Variants in KCNC1 observed in about 807,000 individuals in gnomAD.
KCNC1 encodes the protein voltage-gated potassium channel KCNC1.
In KCNC1, 8 loss-of-function variants were observed where a neutral mutation model predicts 43.4. The ratio of observed to expected loss-of-function variants is 0.18; its 90% CI spans 0.11 to 0.33. The LOEUF (loss-of-function observed/expected upper bound fraction) is 0.33, where lower values mean the gene tolerates loss of function less well. KCNC1 is among the 10% of genes least tolerant of loss of function. The pLI, the probability that KCNC1 is intolerant of heterozygous loss-of-function variation, is 1.00. For synonymous variants in KCNC1, 361 were observed against 360.5 expected (o/e 1.00, Z -0.01); for missense variants, 420 against 836.0 (o/e 0.50, Z 6.14).
intron 1 of KCNC1, among the ~76,000 whole-genome samples, chr11:17,746,534 C>T (rs1848902107): frequency 6.6e-6 from 1 of 152,068 alleles, no homozygotes; most frequent in African/African-American, 2.4e-5. Context: ...TCCATGTCCA[C>T]CTCCTTCCCT....
At chr11:17,775,839 G>A (rs781632895) in intron 2 of KCNC1, 354 of 985,460 alleles carry the variant, frequency 3.6e-4, no homozygotes, top group Non-Finnish European at 4.0e-4. Flanking sequence ...AGGTCTCAGA[G>A]AAGCCCCCGC....
At chr11:17,755,026 T>G (rs559888168) in intron 1 of KCNC1, among the ~76,000 whole-genome samples, 1 of 152,292 alleles carries the variant, frequency 6.6e-6, no homozygotes, top group African/African-American at 2.4e-5. Flanking sequence ...CAGATTTTCC[T>G]TACTGGAGGT....
intron 2 of KCNC1, chr11:17,774,381 A>C: frequency 1.0e-6 from 1 of 985,510 alleles, no homozygotes; most frequent in Non-Finnish European, 1.2e-6. Flanking sequence ...ATCCTCCCCG[A>C]CACTGGATCT....
chr11:17,773,582 A>G lies in KCNC1; in HGVS notation c.1504+984A>G. ...GCCGGGAGGGGGGAGGGGGGCATGA[A>G]ACAATACTAGTCACCGTGGGATATA... On this transcript the variant is annotated intron_variant, in intron 2 of 3. Transcript: ENST00000265969. The surrounding 1 kb of genome is among the most constrained non-coding windows in gnomAD (Gnocchi z 4.1). The G allele has an allele frequency of 1.0e-6, 1 of 985,362 alleles. No individual in the cohort carries two copies. Among genetic ancestry groups the G allele is most frequent in the Non-Finnish European group, 1.2e-6 (1 of 829,986 alleles). The allele number at this position is 985,362 out of a possible 1,614,324, so 61.0% of individuals were successfully genotyped here.
At chr11:17,741,669 C>T (rs978321241) in intron 1 of KCNC1, among the ~76,000 whole-genome samples, 6 of 152,228 alleles carry the variant, frequency 3.9e-5, no homozygotes, top group African/African-American at 7.2e-5. Flanking sequence ...TTCAGTGCTT[C>T]GCCAGCCCGT....
At position 17,775,289 on chromosome 11, in the gene KCNC1, G is replaced by A. The variant is rs1849272351; in HGVS notation, c.1504+2691G>A. 8.9e-5 allele frequency: 33 copies of A among 372,172 alleles called. No homozygotes were observed. In the South Asian group the frequency reaches 1.5e-3, roughly 17 times the overall value. 23.1% of individuals were successfully genotyped at this position (372,172 alleles called of 1,614,324 possible). On this transcript the variant is annotated intron_variant, in intron 2 of 3. Coordinates refer to ENST00000265969, the MANE Select transcript of KCNC1 (RefSeq NM_001112741.2). ...GCTGGGTTCTGAGGGCATCCCTCCC[G>A]CCCCCCCAGGCCAGCCCCCAGTGGT...
Position 17,779,248 on chromosome 11 carries a change from TG to T in KCNC1, c.1505-207del. 1.9e-6 allele frequency: 1 copy of T among 523,842 alleles called. No homozygotes were observed. The highest frequency in any genetic ancestry group is 3.3e-6 in the Non-Finnish European group (1 of 299,288). The allele number at this position is 523,842 out of a possible 1,614,324, so 32.4% of individuals were successfully genotyped here. On this transcript the variant is annotated intron_variant, in intron 2 of 3. Coordinates refer to ENST00000265969, the MANE Select transcript of KCNC1 (RefSeq NM_001112741.2). The surrounding 1 kb of genome is among the most constrained non-coding windows in gnomAD (Gnocchi z 7.2). ...ACCCAGGAGTCCCCACTCCCAGCAC[TG>T]TGGGCAGCCCGAAGGCTGCCTGAAT...
chr11:17,759,495 C>T (rs996246901), intron 1 of KCNC1, among the ~76,000 whole-genome samples: 1 of 152,184 alleles, frequency 6.6e-6, no homozygotes, highest in Non-Finnish European at 1.5e-5. Context: ...AGCTTTTGGC[C>T]TATCTCAGCT....
Position 17,739,358 on chromosome 11 carries a change from C to T in KCNC1, c.570+2786C>T, listed in dbSNP as rs999036746. On this transcript the variant is annotated intron_variant, in intron 1 of 3. Transcript: ENST00000265969. This position sits in a 1 kb window ranked among gnomAD's most constrained non-coding sequence, Gnocchi z 4.2. ...GTGTGTGAGAATAAATGTGAGACTC[C>T]AGGCGTGTGTGTGTGTGTGTGTGTG... 2.3e-5 allele frequency among the ~76,000 whole-genome samples: 3 copies of T among 129,950 alleles called. No homozygotes were observed. Among genetic ancestry groups the T allele is most frequent in the Non-Finnish European group, 1.6e-5 (1 of 62,128 alleles). 85.3% of individuals were successfully genotyped at this position (129,950 alleles called of 152,430 possible).
intron 2 of KCNC1, chr11:17,775,998 G>A: frequency 1.0e-6 from 1 of 985,370 alleles, no homozygotes; most frequent in Non-Finnish European, 1.2e-6. Context: ...GGAGGGAGCT[G>A]GGCAGCGCTG....
chr11:17,770,869 C>A (rs1339349289), intron 1 of KCNC1, among the ~76,000 whole-genome samples: 1 of 152,112 alleles, frequency 6.6e-6, no homozygotes, highest in South Asian at 2.1e-4. Context: ...GATTATGGTG[C>A]CTTTGGGGAT....
At chr11:17,774,405 C>T (rs1034329324) in intron 2 of KCNC1, 1 of 985,542 alleles carries the variant, frequency 1.0e-6, no homozygotes, top group Non-Finnish European at 1.2e-6. Flanking sequence ...AGGAGTGTTG[C>T]CCCAAGCACA....
chr11:17,767,296 AAAAAGAAAAG>A (rs1191538615), intron 1 of KCNC1, among the ~76,000 whole-genome samples: 272 of 130,276 alleles, frequency 2.1e-3, no homozygotes, highest in African/African-American at 5.8e-3. Context: ...AAAAAAAAAA[AAAAAGAAAAG>A]AAAAGAAAAG....
intron 1 of KCNC1, among the ~76,000 whole-genome samples, chr11:17,769,244 A>C (rs1303701425): frequency 6.6e-6 from 1 of 151,962 alleles, no homozygotes; most frequent in African/African-American, 2.4e-5. Context: ...GGCTGGAATG[A>C]GGCCTTATTC....
chr11:17,755,466 G>A (rs1156257527), intron 1 of KCNC1, among the ~76,000 whole-genome samples: 2 of 152,114 alleles, frequency 1.3e-5, no homozygotes, highest in East Asian at 1.9e-4. Context: ...ACCATGACCC[G>A]GGGGGAAAGG....
At position 17,739,163 on chromosome 11, in the gene KCNC1, C is replaced by G. The variant is rs372936809; in HGVS notation, c.570+2591C>G. Among the ~76,000 whole-genome samples the G allele has an allele frequency of 3.9e-5, 6 of 152,334 alleles. No individual in the cohort carries two copies. In the South Asian group the frequency reaches 1.2e-3, roughly 32 times the overall value. ...CTGTCACCTTTGTTTACCCCTCCCC[C>G]ACACGGGGCCCCGAGACTCCTCACA... On this transcript the variant is annotated intron_variant, in intron 1 of 3. Coordinates refer to ENST00000265969, the MANE Select transcript of KCNC1 (RefSeq NM_001112741.2). The surrounding 1 kb of genome is among the most constrained non-coding windows in gnomAD (Gnocchi z 4.2).
In KCNC1 at chr11:17,771,369, T is replaced by C. The variant is rs1319855347; in HGVS notation, c.571-296T>C. Among the ~76,000 whole-genome samples, 1 of 152,378 alleles carries C rather than the reference T, an allele frequency of 6.6e-6. No homozygotes were observed. ...TCAATGTGGGTATGTGGCTGATGTCTTTCTTTTCAGGGACCCAGGCTCCTT... is the reference window on the plus strand; with the variant it reads ...TCAATGTGGGTATGTGGCTGATGTCCTTCTTTTCAGGGACCCAGGCTCCTT... On this transcript the variant is annotated intron_variant, in intron 1 of 3. Coordinates refer to ENST00000265969, the MANE Select transcript of KCNC1 (RefSeq NM_001112741.2). This position sits in a 1 kb window ranked among gnomAD's most constrained non-coding sequence, Gnocchi z 4.7.
rs1849319743 is a variant in KCNC1, at chr11:17,779,284, C to A, written c.1505-172C>A. 3.5e-6 allele frequency: 2 copies of A among 567,580 alleles called. No individual in the cohort carries two copies. Among genetic ancestry groups the A allele is most frequent in the East Asian group, 3.0e-5 (1 of 33,248 alleles). The allele number at this position is 567,580 out of a possible 1,614,324, so 35.2% of individuals were successfully genotyped here. A position where few individuals can be genotyped will look rare whatever the true frequency, so the allele number is the denominator to read the frequency against. On this transcript the variant is annotated intron_variant, in intron 2 of 3. Coordinates refer to ENST00000265969, the MANE Select transcript of KCNC1 (RefSeq NM_001112741.2). The surrounding 1 kb of genome is among the most constrained non-coding windows in gnomAD (Gnocchi z 7.2). ...CGAAGGCTGCCTGAATGAGCTGAACCCCCCACCAAGCCCCCTGCCTTGTGC... is the reference window on the plus strand; with the variant it reads ...CGAAGGCTGCCTGAATGAGCTGAACACCCCACCAAGCCCCCTGCCTTGTGC...
At position 17,739,130 on chromosome 11, in the gene KCNC1, C is replaced by G. The variant is rs543327714; in HGVS notation, c.570+2558C>G. ...TCCTCCCCCTCTGTCTTTGCTCTGC[C>G]GCCTCTGCTGTCACCTTTGTTTACC... On this transcript the variant is annotated intron_variant, in intron 1 of 3. Transcript: ENST00000265969. This position sits in a 1 kb window ranked among gnomAD's most constrained non-coding sequence, Gnocchi z 4.2. 6.6e-6 allele frequency among the ~76,000 whole-genome samples: 1 copy of G among 152,144 alleles called. No individual in the cohort carries two copies. Among genetic ancestry groups the G allele is most frequent in the African/African-American group, 2.4e-5 (1 of 41,428 alleles).
Sources: allele counts gnomAD v4.1 joint callset (sites outside exome capture counted in the v4.1 genomes callset), GRCh38; gene constraint gnomAD v4.1.1; non-coding constraint Gnocchi (gnomAD v3.1); transcripts MANE v1.5; gene names NCBI Gene and HGNC (gene_info 2026-07-23, HGNC 2026-07-21).